The following EML1 variants were observed in gnomAD, a reference collection of about 807,000 sequenced individuals.
The protein encoded by EML1 is echinoderm microtubule-associated protein-like 1.
In EML1, 27 loss-of-function variants were observed where a neutral mutation model predicts 110.4. The ratio of observed to expected loss-of-function variants is 0.24; its 90% CI spans 0.18 to 0.34. The LOEUF (loss-of-function observed/expected upper bound fraction) is 0.34, where lower values mean the gene tolerates loss of function less well. Ranked by LOEUF, EML1 falls within the 10% of genes least tolerant of loss-of-function variation. The pLI is 1.00. For missense variants in EML1, 741 were observed against 1,030.9 expected (o/e 0.72, Z 3.85); for synonymous variants, 344 against 385.8 (o/e 0.89, Z 1.27).
intron 1 of EML1, among the ~76,000 whole-genome samples, chr14:99,753,026 G>T (rs1482714466): frequency 6.6e-6 from 1 of 152,078 alleles, no homozygotes; most frequent in Non-Finnish European, 1.5e-5. Context: ...TGGGCAAGTG[G>T]CTGCACCTGG....
chr14:99,791,561 A>T (rs1461147300), upstream of EML1, among the ~76,000 whole-genome samples: 1 of 152,066 alleles, frequency 6.6e-6, no homozygotes, highest in African/African-American at 2.4e-5. Flanking sequence ...GGGCACTTCT[A>T]ATTGGAGGTT....
At chr14:99,931,524 G>A (rs978935500) in intron 17 of EML1, among the ~76,000 whole-genome samples, 4 of 152,190 alleles carry the variant, frequency 2.6e-5, no homozygotes, top group African/African-American at 7.2e-5. Flanking sequence ...TCTTGCTCCC[G>A]TGGCTTTATG....
At position 99,917,837 on chromosome 14, in the gene EML1, C is replaced by T; in HGVS notation, c.1808C>T (p.Thr603Ile). The T allele has an allele frequency of 6.2e-7, 1 of 1,614,200 alleles. No homozygotes were observed. Among genetic ancestry groups the T allele is most frequent in the Non-Finnish European group, 8.5e-7 (1 of 1,180,030 alleles). Reference sequence around the variant, plus strand: ...TCAGGGTCTGTGGTTGCAGTCGGAACACTCACTGGGAGGTAAGTCCATGCC... The same window carrying T: ...TCAGGGTCTGTGGTTGCAGTCGGAATACTCACTGGGAGGTAAGTCCATGCC... ...HPSGSVVAVGTLTGRWFVFDT... is the reference protein window; with the variant it reads ...HPSGSVVAVGILTGRWFVFDT... The change falls in exon 16 of 22, where the codon ACA becomes ATA. Residue 603 changes from threonine to isoleucine, a missense_variant. This residue lies in a region of EML1 where 388 missense variants were observed against 605.6 expected (regional missense o/e 0.64). Coordinates refer to ENST00000262233, the MANE Select transcript of EML1 (RefSeq NM_004434.3).
At chr14:99,740,841 C>T (rs1177836834) in intron 1 of EML1, among the ~76,000 whole-genome samples, 1 of 151,872 alleles carries the variant, frequency 6.6e-6, no homozygotes, top group East Asian at 1.9e-4. Flanking sequence ...ATAGATGGGG[C>T]CTCAGAAGAT....
chr14:99,913,099 G>T (rs117437353), intron 13 of EML1, among the ~76,000 whole-genome samples: 1 of 152,080 alleles, frequency 6.6e-6, no homozygotes, highest in African/African-American at 2.4e-5. Flanking sequence ...TGTTTATGTC[G>T]ATTTTTAAAC....
chr14:99,874,914 G>A (rs1441736716), intron 3 of EML1: 2 of 1,604,742 alleles, frequency 1.2e-6, no homozygotes, highest in Non-Finnish European at 1.7e-6. Flanking sequence ...CTTTATTTCT[G>A]TGCCTCTTAT....
intron 13 of EML1, among the ~76,000 whole-genome samples, chr14:99,912,575 G>A (rs1319141308): frequency 6.6e-6 from 1 of 152,146 alleles, no homozygotes; most frequent in East Asian, 1.9e-4. Context: ...GAGCAACATG[G>A]CACCACCCTC....
At chr14:99,770,058 A>C (rs2057406805), upstream of EML1, among the ~76,000 whole-genome samples, 1 of 152,084 alleles carries the variant, frequency 6.6e-6, no homozygotes. Flanking sequence ...TTTTGATGAC[A>C]CTTAACCTTT....
intron 17 of EML1, among the ~76,000 whole-genome samples, chr14:99,932,940 A>AC (rs751452780): frequency 4.1e-4 from 63 of 151,966 alleles, no homozygotes; most frequent in Admixed American, 8.5e-4. Flanking sequence ...ACATAGTGAG[A>AC]CCCCCGTCTC....
At chr14:99,900,247 A>G (rs8016219) in intron 8 of EML1, among the ~76,000 whole-genome samples, 82,095 of 143,402 alleles carry the variant, frequency 0.57, 23,291 homozygotes, top group African/African-American at 0.69. Context: ...GGAGTGCAGT[A>G]GTGCAATCTT....
chr14:99,738,551 G>A (rs1417339196), intron 1 of EML1, among the ~76,000 whole-genome samples: 1 of 152,192 alleles, frequency 6.6e-6, no homozygotes, highest in Non-Finnish European at 1.5e-5. Flanking sequence ...AAATCCAGGG[G>A]GACTCTGGAG....
chr14:99,907,544 C>G (rs2059872059), intron 9 of EML1, 94 bp from the exon 10 acceptor site: 3 of 1,106,582 alleles, frequency 2.7e-6, no homozygotes, highest in South Asian at 1.5e-5. Context: ...GTAGCAGACT[C>G]TTTATTAAAA....
At chr14:99,794,226 A>G (rs143906730) in intron 1 of EML1, among the ~76,000 whole-genome samples, 4 of 152,168 alleles carry the variant, frequency 2.6e-5, no homozygotes, top group African/African-American at 9.7e-5. Flanking sequence ...ATGAAATCCT[A>G]CATGCTTGAA....
At chr14:99,764,135 C>G (rs919604180) in intron 1 of EML1, among the ~76,000 whole-genome samples, 1 of 152,154 alleles carries the variant, frequency 6.6e-6, no homozygotes, top group African/African-American at 2.4e-5. Flanking sequence ...TGCTGTGTGA[C>G]CTTCCTCCTT....
At chr14:99,904,752 CAAGAT>C (rs2059816000) in intron 9 of EML1, among the ~76,000 whole-genome samples, 1 of 152,150 alleles carries the variant, frequency 6.6e-6, no homozygotes, top group Non-Finnish European at 1.5e-5. Flanking sequence ...GCACACGAAA[CAAGAT>C]AAGAGAGAAA....
intron 1 of EML1, among the ~76,000 whole-genome samples, chr14:99,775,159 A>G (rs917678650): frequency 1.3e-5 from 2 of 152,258 alleles, no homozygotes; most frequent in African/African-American, 4.8e-5. Context: ...GAAAAGTTAC[A>G]GGAGCCTTGA....
chr14:99,901,966 A>C (rs1006219687), intron 9 of EML1, among the ~76,000 whole-genome samples: 1 of 152,082 alleles, frequency 6.6e-6, no homozygotes, highest in Non-Finnish European at 1.5e-5. Flanking sequence ...CTTAATCCTA[A>C]GGGTTGTAAA....
rs146097883 is a variant in EML1 at position 99,786,386 on chromosome 14, C to T, written c.-27+12373C>T. Among the ~76,000 whole-genome samples the T allele has an allele frequency of 1.1e-4, 17 of 152,320 alleles. No homozygotes were observed. The East Asian group carries it at 3.3e-3, about 29-fold the overall frequency. On this transcript the variant is annotated intron_variant, in intron 1 of 22. Transcript: ENST00000327921. ...TGGGCAACCACTTTTGTCCAGAGTT[C>T]ATTCATTCACTCAGCATTTACTCAC...
intron 14 of EML1, 65 bp downstream of exon 14, chr14:99,914,369 G>A: frequency 3.8e-6 from 6 of 1,576,230 alleles, no homozygotes; most frequent in Non-Finnish European, 4.3e-6. Context: ...CCCTAATCAA[G>A]CATTACAATC....
Sources: gnomAD v4.1 joint callset for allele counts (sites outside exome capture counted in the v4.1 genomes callset) on GRCh38, gnomAD v4.1.1 for gene constraint, gnomAD v4.1.1 regional missense constraint, MANE v1.5 for transcripts, NCBI Gene and HGNC (gene_info 2026-07-23, HGNC 2026-07-21) for gene names.